The following KLHL29 variants were observed in gnomAD, a reference collection of about 807,000 sequenced individuals.
The protein encoded by KLHL29 is kelch-like protein 29.
KLHL29 carries 21 observed loss-of-function variants against 80.4 expected under a neutral mutation model. The ratio of observed to expected loss-of-function variants is 0.26; its 90% CI spans 0.19 to 0.38. The LOEUF (loss-of-function observed/expected upper bound fraction) is 0.38, where lower values mean the gene tolerates loss of function less well. Ranked by LOEUF, KLHL29 falls within the 10% of genes least tolerant of loss-of-function variation. The probability of loss-of-function intolerance (pLI) is 1.00; values close to 1 mark genes in which losing one functional copy is unlikely to be tolerated. For missense variants in KLHL29, 867 were observed against 1,223.9 expected (o/e 0.71, Z 4.35); for synonymous variants, 511 against 526.8 (o/e 0.97, Z 0.41).
intron 1 of KLHL29, among the ~76,000 whole-genome samples, chr2:23,464,286 G>GC (rs1225350279): frequency 1.3e-5 from 2 of 152,104 alleles, no homozygotes; most frequent in African/African-American, 4.8e-5. Flanking sequence ...CAAGCCCGGA[G>GC]CCCCCGGAGC....
At chr2:23,674,771 A>G (rs1049113440) in intron 5 of KLHL29, among the ~76,000 whole-genome samples, 1 of 133,936 alleles carries the variant, frequency 7.5e-6, no homozygotes, top group Non-Finnish European at 1.5e-5. Flanking sequence ...GGCCCTGAGG[A>G]CCAAGGCACC....
At chr2:23,437,025 G>C (rs894816974) in intron 1 of KLHL29, among the ~76,000 whole-genome samples, 2 of 152,168 alleles carry the variant, frequency 1.3e-5, no homozygotes, top group Non-Finnish European at 2.9e-5. Context: ...TGTAGAAAAA[G>C]CTCCTGGCAA....
intron 8 of KLHL29, among the ~76,000 whole-genome samples, chr2:23,694,497 T>G (rs1671821444): frequency 6.6e-6 from 1 of 152,124 alleles, no homozygotes; most frequent in Non-Finnish European, 1.5e-5. Flanking sequence ...ACTGAACATC[T>G]CATCCATCCA....
Position 23,596,163 on chromosome 2 carries a change from C to T in KLHL29, c.285+33682C>T, listed in dbSNP as rs575992889. Among the ~76,000 whole-genome samples, 2 of 152,172 alleles carry T rather than the reference C, an allele frequency of 1.3e-5. No homozygotes were observed. The highest frequency in any genetic ancestry group is 6.5e-5 in the Admixed American group (1 of 15,280). The stretch of plus-strand genomic sequence containing the variant: ...CAATAGAGCACCCTCGGCAGCCAGC[C>T]GGACGGGCAGGCCGGGGGCGGGGCA... On this transcript the variant is annotated intron_variant, in intron 3 of 13. Coordinates refer to ENST00000486442, the MANE Select transcript of KLHL29 (RefSeq NM_052920.2). The surrounding 1 kb of genome is among the most constrained non-coding windows in gnomAD (Gnocchi z 4.4).
intron 2 of KLHL29, chr2:23,524,304 C>T (rs373217226): frequency 1.3e-4 from 25 of 193,772 alleles, no homozygotes; most frequent in Non-Finnish European, 2.5e-4. Context: ...GAAGCACAGG[C>T]GCCTGCTGGG....
chr2:23,403,751 G>A (rs939261449), intron 1 of KLHL29, among the ~76,000 whole-genome samples: 3 of 151,720 alleles, frequency 2.0e-5, no homozygotes, highest in Non-Finnish European at 4.4e-5. Flanking sequence ...GTGTGTGTGT[G>A]TGTGTGTGTG....
intron 3 of KLHL29, among the ~76,000 whole-genome samples, chr2:23,603,803 G>A (rs892269676): frequency 6.6e-5 from 10 of 152,214 alleles, no homozygotes; most frequent in African/African-American, 1.9e-4. Context: ...CTGCATTCAC[G>A]GTCCAGCGGG....
chr2:23,386,117 C>A (rs150257036), intron 1 of KLHL29, among the ~76,000 whole-genome samples: 5,998 of 152,208 alleles, frequency 0.039, 152 homozygotes, highest in Non-Finnish European at 0.059. Context: ...AGCAGCCCCC[C>A]TGCTGGGCCC....
intron 5 of KLHL29, among the ~76,000 whole-genome samples, chr2:23,671,508 G>C (rs1186817864): frequency 6.6e-6 from 1 of 152,230 alleles, no homozygotes; most frequent in Admixed American, 6.5e-5. Flanking sequence ...ATCTGTGGCT[G>C]TTGGGCTCCT....
chr2:23,525,243 GAGA>G (rs1225851700), intron 2 of KLHL29, among the ~76,000 whole-genome samples: 2 of 152,252 alleles, frequency 1.3e-5, no homozygotes, highest in South Asian at 4.1e-4. Context: ...ACGCCTGGAA[GAGA>G]AGAACTTTCT....
chr2:23,499,369 T>G (rs1245691389), intron 2 of KLHL29, among the ~76,000 whole-genome samples: 1 of 152,116 alleles, frequency 6.6e-6, no homozygotes, highest in Admixed American at 6.5e-5. Context: ...ATGGACAGAT[T>G]AGGGCAACTG....
chr2:23,483,663 G>A (rs1207622388), intron 2 of KLHL29, among the ~76,000 whole-genome samples: 1 of 152,196 alleles, frequency 6.6e-6, no homozygotes, highest in East Asian at 1.9e-4. Context: ...TGTTTTCATA[G>A]CTTCCTCTCC....
intron 2 of KLHL29, among the ~76,000 whole-genome samples, chr2:23,559,436 G>GGGCA (rs974606536): frequency 2.0e-5 from 3 of 152,098 alleles, no homozygotes; most frequent in Non-Finnish European, 4.4e-5. Context: ...GACTGGGGGC[G>GGGCA]GGCAGGCAGG....
chr2:23,528,260 G>A (rs1322684668), intron 2 of KLHL29, among the ~76,000 whole-genome samples: 1 of 152,154 alleles, frequency 6.6e-6, no homozygotes, highest in Non-Finnish European at 1.5e-5. Flanking sequence ...CCATCGCACA[G>A]ATGGGGCTCT....
At chr2:23,705,158 T>C (rs1166954916) in intron 13 of KLHL29, among the ~76,000 whole-genome samples, 4 of 152,196 alleles carry the variant, frequency 2.6e-5, no homozygotes, top group Non-Finnish European at 4.4e-5. Context: ...AGCATTGCGC[T>C]CCACTTGGGA....
chr2:23,609,762 C>T (rs1668812422), intron 3 of KLHL29, among the ~76,000 whole-genome samples: 2 of 152,152 alleles, frequency 1.3e-5, no homozygotes, highest in South Asian at 4.1e-4. Flanking sequence ...GTTCAACCTT[C>T]CAACAAAACC....
chr2:23,578,769 A>C (rs1667905417), intron 3 of KLHL29, among the ~76,000 whole-genome samples: 1 of 152,226 alleles, frequency 6.6e-6, no homozygotes, highest in Non-Finnish European at 1.5e-5. Context: ...ACTTTTGAAA[A>C]TTATATTTCT....
At chr2:23,441,399 C>T (rs1663517257) in intron 1 of KLHL29, among the ~76,000 whole-genome samples, 5 of 151,558 alleles carry the variant, frequency 3.3e-5, no homozygotes, top group Admixed American at 2.0e-4. Context: ...TTAATGGGTG[C>T]AGCACACCAG....
At chr2:23,625,608 A>G (rs1328187256) in intron 3 of KLHL29, among the ~76,000 whole-genome samples, 2 of 152,352 alleles carry the variant, frequency 1.3e-5, no homozygotes, top group South Asian at 2.1e-4. Context: ...CCTGGGGTCT[A>G]GCGGGCAAGA....
Sources: allele counts gnomAD v4.1 joint callset (sites outside exome capture counted in the v4.1 genomes callset), GRCh38; gene constraint gnomAD v4.1.1; non-coding constraint Gnocchi (gnomAD v3.1); transcripts MANE v1.5; gene names NCBI Gene and HGNC (gene_info 2026-07-23, HGNC 2026-07-21).